Variants in ZDHHC14 observed in about 807,000 individuals in gnomAD.
The protein encoded by ZDHHC14 is zDHHC palmitoyltransferase 14.
In ZDHHC14, 16 loss-of-function variants were observed where a neutral mutation model predicts 47.7. The observed-to-expected ratio is 0.34, with a 90% CI of 0.23 to 0.51. The LOEUF (loss-of-function observed/expected upper bound fraction) is 0.51. Ranked by LOEUF, ZDHHC14 falls within the 20% of genes least tolerant of loss-of-function variation. ZDHHC14 has a pLI of 0.97. For missense variants in ZDHHC14, 515 were observed against 662.5 expected, an observed-to-expected ratio of 0.78 and a Z score of 2.44; for synonymous variants, 293 against 278.9, an observed-to-expected ratio of 1.05 and a Z score of -0.50.
chr6:157,575,957 GC>G (rs1783291845), intron 2 of ZDHHC14, among the ~76,000 whole-genome samples: 2 of 152,072 alleles, frequency 1.3e-5, no homozygotes, highest in South Asian at 2.1e-4. Context: ...CCTGCGGCCC[GC>G]CCTGGCCCTG....
chr6:157,441,885 T>C (rs1227546329), intron 1 of ZDHHC14, among the ~76,000 whole-genome samples: 2 of 152,102 alleles, frequency 1.3e-5, no homozygotes, highest in Non-Finnish European at 2.9e-5. Flanking sequence ...TGTGTGTATG[T>C]GTGTGTGAGA....
At chr6:157,401,849 C>G (rs1777645446) in intron 1 of ZDHHC14, among the ~76,000 whole-genome samples, 1 of 141,190 alleles carries the variant, frequency 7.1e-6, no homozygotes, top group Admixed American at 7.2e-5. Flanking sequence ...GCAGAGGTCA[C>G]AGCAAGTGAT....
chr6:157,482,264 T>C (rs1395331209), intron 1 of ZDHHC14, among the ~76,000 whole-genome samples: 1 of 148,274 alleles, frequency 6.7e-6, no homozygotes, highest in South Asian at 2.1e-4. Flanking sequence ...TCTTTTCTTT[T>C]TTTTTTTTTT....
chr6:157,571,776 A>ATTTTTTTTTTT (rs548623336), intron 2 of ZDHHC14, among the ~76,000 whole-genome samples: 2 of 122,516 alleles, frequency 1.6e-5, no homozygotes, highest in East Asian at 2.3e-4. Flanking sequence ...AGGAATCTGT[A>ATTTTTTTTTTT]TTTTTTTTTT....
chr6:157,570,443 T>G (rs145388710), intron 2 of ZDHHC14, among the ~76,000 whole-genome samples: 497 of 152,364 alleles, frequency 3.3e-3, no homozygotes, highest in African/African-American at 0.011. Context: ...TAGCTTTGGC[T>G]TTCAGTGGAA....
intron 1 of ZDHHC14, among the ~76,000 whole-genome samples, chr6:157,437,265 C>G (rs190741633): frequency 3.8e-4 from 58 of 152,322 alleles, no homozygotes; most frequent in Admixed American, 1.4e-3. Flanking sequence ...TCAGAGGGCA[C>G]CTGCAGGGGC....
At chr6:157,426,515 G>C (rs1161859503) in intron 1 of ZDHHC14, among the ~76,000 whole-genome samples, 1 of 152,148 alleles carries the variant, frequency 6.6e-6, no homozygotes, top group East Asian at 1.9e-4. Flanking sequence ...AGTTTGAGGG[G>C]CCTACGGGGC....
At chr6:157,633,319 T>C (rs1776799302) in intron 5 of ZDHHC14, among the ~76,000 whole-genome samples, 1 of 152,200 alleles carries the variant, frequency 6.6e-6, no homozygotes, top group Non-Finnish European at 1.5e-5. Flanking sequence ...GGTTACAGTT[T>C]GCCATTCGGA....
chr6:157,389,231 C>T (rs966176752), intron 1 of ZDHHC14, among the ~76,000 whole-genome samples: 1 of 152,120 alleles, frequency 6.6e-6, no homozygotes, highest in Non-Finnish European at 1.5e-5. Flanking sequence ...GTATACTCTC[C>T]ATTCAGATTC....
chr6:157,395,842 A>G (rs983707458), intron 1 of ZDHHC14, among the ~76,000 whole-genome samples: 2 of 152,126 alleles, frequency 1.3e-5, no homozygotes, highest in Non-Finnish European at 1.5e-5. Flanking sequence ...TGTCTGTTAC[A>G]TATAGTGATA....
chr6:157,449,373 T>A (rs1330405015), intron 1 of ZDHHC14, among the ~76,000 whole-genome samples: 1 of 152,226 alleles, frequency 6.6e-6, no homozygotes, highest in East Asian at 1.9e-4. Context: ...AGCCCACTTT[T>A]AAAAAATCAG....
chr6:157,564,966 C>T (rs1350247086), intron 2 of ZDHHC14, among the ~76,000 whole-genome samples: 3 of 152,110 alleles, frequency 2.0e-5, no homozygotes, highest in East Asian at 1.9e-4. Context: ...ATATTTGGGC[C>T]GGGCATGGTG....
intron 2 of ZDHHC14, among the ~76,000 whole-genome samples, chr6:157,545,616 T>A (rs569448988): frequency 1.3e-5 from 2 of 151,324 alleles, no homozygotes; most frequent in South Asian, 4.2e-4. Context: ...AGGCAGAGCT[T>A]GCAGCCGAGA....
chr6:157,505,603 G>A (rs996405825), intron 1 of ZDHHC14, among the ~76,000 whole-genome samples: 10 of 152,134 alleles, frequency 6.6e-5, no homozygotes, highest in Non-Finnish European at 1.5e-4. Flanking sequence ...TGTGGTTGGG[G>A]GAACCAGTGG....
At chr6:157,657,773 A>G (rs748660711) in intron 8 of ZDHHC14, among the ~76,000 whole-genome samples, 1 of 152,250 alleles carries the variant, frequency 6.6e-6, no homozygotes, top group African/African-American at 2.4e-5. Flanking sequence ...TAAAAGCTGT[A>G]CAGAGACATC....
At chr6:157,638,873 G>T (rs1456574950) in intron 5 of ZDHHC14, among the ~76,000 whole-genome samples, 1 of 152,254 alleles carries the variant, frequency 6.6e-6, no homozygotes, top group Non-Finnish European at 1.5e-5. Context: ...TGGGAGATGG[G>T]TGGGTTCTAG....
intron 5 of ZDHHC14, among the ~76,000 whole-genome samples, chr6:157,637,267 G>A (rs961881703): frequency 6.6e-6 from 1 of 152,172 alleles, no homozygotes; most frequent in African/African-American, 2.4e-5. Flanking sequence ...CTGAGGAAGA[G>A]TGTGCCAAAG....
chr6:157,511,760 G>A (rs956813331), intron 1 of ZDHHC14, among the ~76,000 whole-genome samples: 1 of 151,980 alleles, frequency 6.6e-6, no homozygotes, highest in Non-Finnish European at 1.5e-5. Context: ...TAATTTCCAC[G>A]TTTGCCTAAT....
intron 1 of ZDHHC14, among the ~76,000 whole-genome samples, chr6:157,453,788 T>TTTTTTGTGTGTGTGTGTGTGTGTGTGTG (rs3220439): frequency 1.4e-4 from 21 of 148,192 alleles, no homozygotes; most frequent in African/African-American, 5.1e-4. Context: ...TTTTTGTGTT[T>TTTTTTGTGTGTGTGTGTGTGTGTGTGTG]TGTGTGTGTG....
Sources: gnomAD v4.1 joint callset for allele counts (sites outside exome capture counted in the v4.1 genomes callset) on GRCh38, gnomAD v4.1.1 for gene constraint, MANE v1.5 for transcripts, NCBI Gene and HGNC (gene_info 2026-07-23, HGNC 2026-07-21) for gene names.